Variants in SYT16 observed in about 807,000 individuals in gnomAD.
SYT16 encodes the protein synaptotagmin-16.
Under a neutral mutation model 61.4 loss-of-function variants are expected in SYT16, and 42 were observed. The observed-to-expected ratio is 0.68, with a 90% CI of 0.53 to 0.89. The LOEUF (loss-of-function observed/expected upper bound fraction) is 0.89, where lower values mean the gene tolerates loss of function less well. Ranked by LOEUF, SYT16 falls within the 40% of genes least tolerant of loss-of-function variation. SYT16 has a pLI of 0.00. For missense variants in SYT16, 804 were observed against 807.3 expected, an observed-to-expected ratio of 1.00 and a Z score of 0.05; for synonymous variants, 314 against 302.3, an observed-to-expected ratio of 1.04 and a Z score of -0.40.
intron 3 of SYT16, among the ~76,000 whole-genome samples, chr14:62,047,244 T>C (rs1387419671): frequency 6.6e-6 from 1 of 152,232 alleles, no homozygotes; most frequent in African/African-American, 2.4e-5. Flanking sequence ...CCATTGTGAA[T>C]GGGAGTTCAC....
chr14:62,108,895 G>A lies in SYT16; in HGVS notation c.*8188G>A, dbSNP rs1470811041. On this transcript the variant is annotated 3_prime_UTR_variant, in exon 8 of 8. Coordinates refer to ENST00000683842, the MANE Select transcript of SYT16 (RefSeq NM_001367656.1). Reference sequence around the variant, plus strand: ...AAATTAATAAATTTTATTTTTTAGAGTTTTAGGTTCACAGCAAAATTGATC... The same window carrying A: ...AAATTAATAAATTTTATTTTTTAGAATTTTAGGTTCACAGCAAAATTGATC... 2.0e-5 allele frequency: 3 copies of A among 152,074 alleles called. No homozygotes were observed. The highest frequency in any genetic ancestry group is 2.9e-5 in the Non-Finnish European group (2 of 67,988). The allele number at this position is 152,074 out of a possible 1,614,324, so 9.4% of individuals were successfully genotyped here. A position where few individuals can be genotyped will look rare whatever the true frequency, so the allele number is the denominator to read the frequency against.
At chr14:62,022,452 C>T (rs1449647621) in intron 3 of SYT16, among the ~76,000 whole-genome samples, 2 of 152,040 alleles carry the variant, frequency 1.3e-5, no homozygotes, top group East Asian at 1.9e-4. Context: ...TGCGAGTTCT[C>T]TTTGTTTTCT....
chr14:61,930,713 C>T (rs1223523463), intron 1 of SYT16, among the ~76,000 whole-genome samples: 2 of 151,944 alleles, frequency 1.3e-5, no homozygotes, highest in East Asian at 3.9e-4. Flanking sequence ...GCTGGGTTGT[C>T]CAGGTGGGAC....
chr14:61,937,682 T>A (rs923156434), intron 1 of SYT16, among the ~76,000 whole-genome samples: 3 of 152,258 alleles, frequency 2.0e-5, no homozygotes, highest in Admixed American at 6.5e-5. Flanking sequence ...TATTGTTGTT[T>A]CAGTGGCAGA....
intron 1 of SYT16, among the ~76,000 whole-genome samples, chr14:61,849,202 CTT>C (rs2046534884): frequency 6.6e-6 from 1 of 152,098 alleles, no homozygotes; most frequent in African/African-American, 2.4e-5. Flanking sequence ...ACAAAATTGT[CTT>C]TACTCTTCTC....
intron 3 of SYT16, among the ~76,000 whole-genome samples, chr14:62,034,792 G>T (rs2054443096): frequency 6.6e-6 from 1 of 152,120 alleles, no homozygotes; most frequent in South Asian, 2.1e-4. Context: ...AAAATTGATT[G>T]TGATGGTTGC....
At chr14:62,016,859 G>A (rs1291936404) in intron 3 of SYT16, among the ~76,000 whole-genome samples, 2 of 152,086 alleles carry the variant, frequency 1.3e-5, no homozygotes, top group Admixed American at 6.6e-5. Context: ...GAGCTCTCCT[G>A]CTAAACTGTG....
intron 1 of SYT16, among the ~76,000 whole-genome samples, chr14:61,886,131 A>AT (rs1335395130): frequency 1.3e-5 from 2 of 151,712 alleles, no homozygotes; most frequent in Non-Finnish European, 2.9e-5. Context: ...CGCCCAGCTA[A>AT]TTTTTTGTAT....
chr14:62,021,617 G>A (rs556847620), intron 3 of SYT16, among the ~76,000 whole-genome samples: 86 of 152,140 alleles, frequency 5.7e-4, no homozygotes, highest in Admixed American at 2.0e-3. Flanking sequence ...ACAAGAATCT[G>A]TGTAGATTTA....
chr14:62,009,538 T>C (rs2053360751), intron 3 of SYT16, among the ~76,000 whole-genome samples: 1 of 152,220 alleles, frequency 6.6e-6, no homozygotes, highest in Non-Finnish European at 1.5e-5. Flanking sequence ...AAATCCATTC[T>C]TCTAGATTCT....
chr14:62,030,792 CT>C lies in SYT16; in HGVS notation c.523+34254del, dbSNP rs565437409. 1.2e-3 allele frequency among the ~76,000 whole-genome samples: 187 copies of C among 152,218 alleles called. 3 individuals carry two copies. The Middle Eastern group carries it at 0.014, about 11-fold the overall frequency. ...ACAAAATGGATTTTCAGACAGTGGC[CT>C]TTTGTATTTATAAAATGAAAGCTGC... is the stretch of plus-strand genomic sequence containing the variant. On this transcript the variant is annotated intron_variant, in intron 3 of 7. Coordinates refer to ENST00000683842, the MANE Select transcript of SYT16 (RefSeq NM_001367656.1).
At chr14:62,088,955 CT>C (rs11318289) in intron 7 of SYT16, among the ~76,000 whole-genome samples, 40,151 of 143,828 alleles carry the variant, frequency 0.28, 7,153 homozygotes, top group African/African-American at 0.53. Context: ...GTTGGCAATA[CT>C]TTTTTTTTTT....
At chr14:62,010,903 T>A (rs552121459) in intron 3 of SYT16, among the ~76,000 whole-genome samples, 21 of 152,318 alleles carry the variant, frequency 1.4e-4, no homozygotes, top group African/African-American at 4.6e-4. Flanking sequence ...AAACCCTATG[T>A]GCAGAAAGTT....
intron 2 of SYT16, among the ~76,000 whole-genome samples, chr14:61,982,508 G>C (rs2052126941): frequency 6.6e-6 from 1 of 152,064 alleles, no homozygotes; most frequent in African/African-American, 2.4e-5. Flanking sequence ...ACTACCACAA[G>C]AACAGTATGG....
chr14:62,034,666 G>A (rs11845469), intron 3 of SYT16, among the ~76,000 whole-genome samples: 50,633 of 150,756 alleles, frequency 0.34, 9,275 homozygotes, highest in African/African-American at 0.48. Flanking sequence ...ATATAGGCAG[G>A]AAGTAGATTA....
intron 2 of SYT16, among the ~76,000 whole-genome samples, chr14:61,984,668 G>A (rs909150143): frequency 6.6e-6 from 1 of 152,098 alleles, no homozygotes; most frequent in African/African-American, 2.4e-5. Context: ...GAAATTGGAA[G>A]GATTCAAGGA....
At chr14:61,920,086 C>A (rs2049273095) in intron 1 of SYT16, among the ~76,000 whole-genome samples, 1 of 152,152 alleles carries the variant, frequency 6.6e-6, no homozygotes, top group South Asian at 2.1e-4. Flanking sequence ...TGCTGTTTCA[C>A]ACGCCTGTGC....
intron 3 of SYT16, among the ~76,000 whole-genome samples, chr14:62,014,217 C>T (rs1462975767): frequency 6.6e-6 from 1 of 152,176 alleles, no homozygotes; most frequent in Non-Finnish European, 1.5e-5. Flanking sequence ...ACGTGGATGA[C>T]AGATATCACA....
chr14:61,912,148 C>G (rs2048956895), intron 1 of SYT16, among the ~76,000 whole-genome samples: 1 of 152,130 alleles, frequency 6.6e-6, no homozygotes, highest in African/African-American at 2.4e-5. Flanking sequence ...ATATTTGATA[C>G]TACTGCTCTG....
Sources: gnomAD v4.1 joint callset for allele counts (sites outside exome capture counted in the v4.1 genomes callset) on GRCh38, gnomAD v4.1.1 for gene constraint, MANE v1.5 for transcripts, NCBI Gene and HGNC (gene_info 2026-07-23, HGNC 2026-07-21) for gene names.